Variants in BICDL1 observed in about 807,000 individuals in gnomAD.
BICDL1 encodes BICD family-like cargo adapter 1.
In BICDL1, 20 loss-of-function variants were observed where a neutral mutation model predicts 76.8. The observed-to-expected ratio is 0.26, with a 90% CI of 0.18 to 0.38. The LOEUF (loss-of-function observed/expected upper bound fraction) is 0.38. Among genes scored for constraint, BICDL1 ranks in the 10% least tolerant of loss-of-function variants. The pLI, the probability that BICDL1 is intolerant of heterozygous loss-of-function variation, is 1.00. For missense variants in BICDL1, 700 were observed against 798.6 expected (o/e 0.88, Z 1.49); for synonymous variants, 383 against 337.1 (o/e 1.14, Z -1.49).
At chr12:120,031,768 A>G (rs897583827) in intron 2 of BICDL1, among the ~76,000 whole-genome samples, 1 of 152,178 alleles carries the variant, frequency 6.6e-6, no homozygotes, top group African/African-American at 2.4e-5. Flanking sequence ...CGAAAAGGCC[A>G]TTTTATGTCT....
At chr12:120,026,335 T>A (rs1380814203) in intron 2 of BICDL1, among the ~76,000 whole-genome samples, 1 of 152,216 alleles carries the variant, frequency 6.6e-6, no homozygotes, top group Non-Finnish European at 1.5e-5. Flanking sequence ...ATGTTAACAT[T>A]AACAGTTGTA....
chr12:120,013,437 A>AGT (rs1491225656), intron 2 of BICDL1, among the ~76,000 whole-genome samples: 1 of 117,824 alleles, frequency 8.5e-6, no homozygotes, highest in African/African-American at 3.4e-5. Context: ...GTCTTTAACC[A>AGT]GAGTGTGTGT....
At chr12:120,007,333 T>C (rs971328056) in intron 2 of BICDL1, among the ~76,000 whole-genome samples, 1 of 152,200 alleles carries the variant, frequency 6.6e-6, no homozygotes, top group Non-Finnish European at 1.5e-5. Context: ...GAGTTAAATT[T>C]CCGCAGCCAT....
At chr12:120,051,898 C>G (rs1032115651) in intron 2 of BICDL1, among the ~76,000 whole-genome samples, 5 of 152,106 alleles carry the variant, frequency 3.3e-5, no homozygotes, top group Non-Finnish European at 5.9e-5. Flanking sequence ...TTTCTTTTCT[C>G]TCCTCCAATC....
At chr12:120,066,086 C>T (rs1414179411) in intron 4 of BICDL1, among the ~76,000 whole-genome samples, 1 of 152,198 alleles carries the variant, frequency 6.6e-6, no homozygotes, top group African/African-American at 2.4e-5. Flanking sequence ...TAGCAGTGAA[C>T]ATTTGTGTGC....
chr12:120,064,983 G>A lies in BICDL1; in HGVS notation c.909+104G>A, dbSNP rs967462763. The stretch of plus-strand genomic sequence containing the variant: ...GCCAGCATCACTGCTGGGGTAAGCT[G>A]GGAGTGGATGATGCTGAGGTCTCGC... On this transcript the variant is annotated intron_variant, in intron 4 of 9. Coordinates refer to ENST00000548673, the MANE Select transcript of BICDL1 (RefSeq NM_001367886.1). The A allele has an allele frequency of 3.2e-5, 42 of 1,322,528 alleles. No homozygotes were observed. The African/African-American group carries it at 6.3e-4, about 20-fold the overall frequency. 81.9% of individuals were successfully genotyped at this position (1,322,528 alleles called of 1,614,324 possible). A position where few individuals can be genotyped will look rare whatever the true frequency, so the allele number is the denominator to read the frequency against.
At chr12:120,073,418 G>T (rs1019130098) in intron 6 of BICDL1, among the ~76,000 whole-genome samples, 1 of 152,228 alleles carries the variant, frequency 6.6e-6, no homozygotes, top group African/African-American at 2.4e-5. Flanking sequence ...TAGTGGTAGG[G>T]TTAGCTGTGA....
At chr12:120,051,421 G>A (rs1952857503) in intron 2 of BICDL1, among the ~76,000 whole-genome samples, 1 of 152,288 alleles carries the variant, frequency 6.6e-6, no homozygotes, top group Admixed American at 6.5e-5. Context: ...GATAATATCA[G>A]GATGTGAAGT....
chr12:119,996,493 T>G (rs1191655143), intron 1 of BICDL1, among the ~76,000 whole-genome samples: 2 of 152,210 alleles, frequency 1.3e-5, no homozygotes, highest in African/African-American at 4.8e-5. Context: ...AGAAGCATTC[T>G]GAAAGATATT....
intron 8 of BICDL1, among the ~76,000 whole-genome samples, chr12:120,089,272 GTGTGTGTGTGTGTGTGTA>G (rs1874726041): frequency 8.9e-6 from 1 of 112,914 alleles, no homozygotes; most frequent in Admixed American, 7.8e-5. Context: ...CTTTTTCAAC[GTGTGTGTGTGTGTGTGTA>G]TGTGTGTGTG....
chr12:120,037,154 C>T (rs1162666668), intron 2 of BICDL1, among the ~76,000 whole-genome samples: 1 of 152,062 alleles, frequency 6.6e-6, no homozygotes, highest in Non-Finnish European at 1.5e-5. Context: ...GTTGTCTTGC[C>T]TGTGGTAGGT....
intron 6 of BICDL1, 62 bp downstream of exon 6, chr12:120,072,791 C>A (rs1873207971): frequency 3.5e-6 from 5 of 1,420,524 alleles, no homozygotes; most frequent in Non-Finnish European, 4.9e-6. Context: ...AGGTTAGAAC[C>A]CAGTGCATAG....
At chr12:120,058,193 C>A (rs1221208160) in intron 2 of BICDL1, among the ~76,000 whole-genome samples, 1 of 152,162 alleles carries the variant, frequency 6.6e-6, no homozygotes, top group East Asian at 1.9e-4. Flanking sequence ...AAAGCTTTTG[C>A]TGTGCATATC....
rs980497031 is a variant in BICDL1, at chr12:120,093,313, C to T, written c.*152C>T. 9.1e-6 allele frequency: 8 copies of T among 880,994 alleles called. No homozygotes were observed. The highest frequency in any genetic ancestry group is 6.9e-5 in the South Asian group (4 of 58,162). The allele number at this position is 880,994 out of a possible 1,614,324, so 54.6% of individuals were successfully genotyped here. On this transcript the variant is annotated 3_prime_UTR_variant, in exon 10 of 10. Coordinates refer to ENST00000548673, the MANE Select transcript of BICDL1 (RefSeq NM_001367886.1). ...TCCGGGAGGGCCTGCTCCCTTTCGT[C>T]GGTGGGGATGGAGACCTAGAGGTGG...
intron 8 of BICDL1, among the ~76,000 whole-genome samples, chr12:120,088,482 G>A (rs1369444091): frequency 1.4e-5 from 2 of 146,408 alleles, no homozygotes; most frequent in East Asian, 4.2e-4. Context: ...TCAGCCTCCC[G>A]AGTAGCTGGG....
intron 2 of BICDL1, among the ~76,000 whole-genome samples, chr12:120,018,722 T>C (rs1216074537): frequency 6.6e-6 from 1 of 151,812 alleles, no homozygotes; most frequent in Non-Finnish European, 1.5e-5. Flanking sequence ...ATATACCTTA[T>C]GGGGTTGTTA....
At chr12:120,068,115 C>G (rs1303906316) in intron 4 of BICDL1, among the ~76,000 whole-genome samples, 1 of 152,198 alleles carries the variant, frequency 6.6e-6, no homozygotes, top group East Asian at 1.9e-4. Flanking sequence ...CAGCTTTCTC[C>G]CTTCATGAGA....
intron 1 of BICDL1, 83 bp downstream of exon 1, chr12:119,990,380 A>AC: frequency 6.6e-7 from 1 of 1,509,608 alleles, no homozygotes; most frequent in Non-Finnish European, 8.8e-7. Flanking sequence ...GGAACCACTC[A>AC]CCCCCACTTC....
At chr12:120,034,583 G>A (rs1952494241) in intron 2 of BICDL1, among the ~76,000 whole-genome samples, 1 of 152,202 alleles carries the variant, frequency 6.6e-6, no homozygotes, top group Admixed American at 6.5e-5. Context: ...GAGGGATGCA[G>A]GGGTCAGCTA....
Sources: gnomAD v4.1 joint callset for allele counts (sites outside exome capture counted in the v4.1 genomes callset) on GRCh38, gnomAD v4.1.1 for gene constraint, MANE v1.5 for transcripts, NCBI Gene and HGNC (gene_info 2026-07-23, HGNC 2026-07-21) for gene names.